SGCD: variants seen among roughly 807,000 people sequenced by gnomAD.
The protein encoded by SGCD is sarcoglycan delta.
In SGCD, 18 loss-of-function variants were observed where a neutral mutation model predicts 36.6. The ratio of observed to expected loss-of-function variants is 0.49; its 90% confidence interval spans 0.34 to 0.73. SGCD has a LOEUF of 0.73. SGCD is among the 30% of genes least tolerant of loss of function. SGCD has a pLI of 0.01. For missense variants in SGCD, 387 were observed against 346.7 expected, an observed-to-expected ratio of 1.12 and a Z score of -0.92; for synonymous variants, 133 against 130.6, an observed-to-expected ratio of 1.02 and a Z score of -0.12.
chr5:156,372,211 C>A (rs1770422134), intron 3 of SGCD, among the ~76,000 whole-genome samples: 1 of 152,094 alleles, frequency 6.6e-6, no homozygotes, highest in African/African-American at 2.4e-5. Context: ...AAAAACATGG[C>A]AAGAGGCAGG....
At chr5:155,988,798 G>A (rs183007908) in intron 1 of SGCD, among the ~76,000 whole-genome samples, 31 of 152,254 alleles carry the variant, frequency 2.0e-4, no homozygotes, top group Admixed American at 4.6e-4. Flanking sequence ...ATGACACCAC[G>A]GGATAAATGT....
intron 1 of SGCD, among the ~76,000 whole-genome samples, chr5:155,963,720 A>ACC: frequency 6.6e-6 from 1 of 152,050 alleles, no homozygotes; most frequent in South Asian, 2.1e-4. Context: ...ACTTCAAAGA[A>ACC]CCCCAGTCTT....
chr5:155,844,101 A>C, the SGCD span, among the ~76,000 whole-genome samples: 51 of 126,198 alleles, frequency 4.0e-4, no homozygotes, highest in Middle Eastern at 0.017. Context: ...AAAAAATGTC[A>C]GTATTCAAAA....
At chr5:156,575,908 A>C (rs1329188999) in intron 4 of SGCD, among the ~76,000 whole-genome samples, 4 of 152,094 alleles carry the variant, frequency 2.6e-5, no homozygotes, top group Admixed American at 2.6e-4. Context: ...AAACTATTTT[A>C]CTCATAAAAA....
intron 4 of SGCD, among the ~76,000 whole-genome samples, chr5:156,580,860 CGGA>C (rs2113335176): frequency 6.6e-6 from 1 of 152,256 alleles, no homozygotes; most frequent in South Asian, 2.1e-4. Context: ...TCCTATAGCT[CGGA>C]GATGTTTGTT....
At chr5:156,143,991 G>T (rs1400825719) in intron 3 of SGCD, among the ~76,000 whole-genome samples, 7 of 143,632 alleles carry the variant, frequency 4.9e-5, no homozygotes, top group African/African-American at 1.8e-4. Flanking sequence ...TGTGGTGTTT[G>T]TTTTTTTTTC....
intron 4 of SGCD, among the ~76,000 whole-genome samples, chr5:156,534,217 C>G (rs1472849570): frequency 1.4e-5 from 2 of 148,074 alleles, no homozygotes; most frequent in African/African-American, 5.0e-5. Flanking sequence ...AAGAAATTGT[C>G]TGGTCCTACT....
At position 156,155,343 on chromosome 5, in the gene SGCD, A is replaced by C. The variant is rs1452978667; in HGVS notation, c.-44+31324A>C. The stretch of plus-strand genomic sequence containing the variant: ...TTTCTTCTAAAAAGGGCAGCCTATT[A>C]CTCAGCTGTAAAATACTGTGAGTGG... On this transcript the variant is annotated intron_variant, in intron 3 of 9. Transcript: ENST00000517913. 3.3e-5 allele frequency among the ~76,000 whole-genome samples: 5 copies of C among 151,468 alleles called. 2 individuals carry two copies. The highest frequency in any genetic ancestry group is 1.2e-4 in the African/African-American group (5 of 40,842).
chr5:156,298,576 CTT>C (rs924228753), intron 3 of SGCD, among the ~76,000 whole-genome samples: 1 of 110,518 alleles, frequency 9.0e-6, no homozygotes, highest in African/African-American at 3.8e-5. Flanking sequence ...TTTTTCTTTT[CTT>C]TTTTTTTTTT....
the SGCD span, among the ~76,000 whole-genome samples, chr5:155,810,627 G>T: frequency 6.6e-6 from 1 of 151,886 alleles, no homozygotes; most frequent in African/African-American, 2.4e-5. Flanking sequence ...AGAGCTAAAT[G>T]TTGATAAAAT....
intron 1 of SGCD, among the ~76,000 whole-genome samples, chr5:156,076,751 A>G: frequency 6.6e-6 from 1 of 152,210 alleles, no homozygotes; most frequent in East Asian, 1.9e-4. Flanking sequence ...AGACTTGAAC[A>G]TTACATCTGG....
intron 1 of SGCD, among the ~76,000 whole-genome samples, chr5:156,083,364 G>A (rs909451784): frequency 1.0e-4 from 15 of 150,214 alleles, no homozygotes; most frequent in East Asian, 5.9e-4. Flanking sequence ...GCGTGATCTC[G>A]GCTCACTGCA....
intron 3 of SGCD, among the ~76,000 whole-genome samples, chr5:156,261,654 C>T (rs534307423): frequency 6.6e-6 from 1 of 152,180 alleles, no homozygotes; most frequent in Admixed American, 6.6e-5. Flanking sequence ...TGTAAAATAG[C>T]CTCAGGCATG....
intron 3 of SGCD, among the ~76,000 whole-genome samples, chr5:156,218,166 C>T (rs1176329910): frequency 2.0e-5 from 3 of 152,018 alleles, no homozygotes; most frequent in Non-Finnish European, 4.4e-5. Context: ...CCCAGCAAAT[C>T]GCTTGAACCT....
chr5:155,943,123 G>A (rs930377887), intron 1 of SGCD, among the ~76,000 whole-genome samples: 14 of 152,160 alleles, frequency 9.2e-5, no homozygotes, highest in African/African-American at 3.4e-4. Flanking sequence ...GAGCTCAGAT[G>A]CCATAGTATA....
At chr5:155,854,748 CA>C in the SGCD span, among the ~76,000 whole-genome samples, 1 of 152,120 alleles carries the variant, frequency 6.6e-6, no homozygotes, top group Non-Finnish European at 1.5e-5. Flanking sequence ...ACATGTCATA[CA>C]AATCTCACCG....
At chr5:156,010,053 G>A (rs927531637) in intron 1 of SGCD, among the ~76,000 whole-genome samples, 1 of 152,114 alleles carries the variant, frequency 6.6e-6, no homozygotes, top group Non-Finnish European at 1.5e-5. Context: ...AGCTTGATGA[G>A]TTACTTAATT....
chr5:156,567,338 A>G (rs1759525663), intron 4 of SGCD, among the ~76,000 whole-genome samples: 1 of 134,376 alleles, frequency 7.4e-6, no homozygotes, highest in Admixed American at 7.7e-5. Context: ...GGAGAGAGGG[A>G]GGGAGTGAGG....
At chr5:156,356,413 G>A (rs1258944460) in intron 3 of SGCD, among the ~76,000 whole-genome samples, 9 of 152,134 alleles carry the variant, frequency 5.9e-5, no homozygotes. Context: ...CTTCCCTATG[G>A]GCTAACTTGG....
Sources: allele counts gnomAD v4.1 joint callset (sites outside exome capture counted in the v4.1 genomes callset), GRCh38; gene constraint gnomAD v4.1.1; transcripts MANE v1.5; gene names NCBI Gene and HGNC (gene_info 2026-07-23, HGNC 2026-07-21).